ENPP3: variants seen among roughly 807,000 people sequenced by gnomAD.
ENPP3 encodes ectonucleotide pyrophosphatase/phosphodiesterase 3.
In ENPP3, 104 loss-of-function variants were observed where a neutral mutation model predicts 117.8. The observed-to-expected ratio is 0.88, with a 90% confidence interval of 0.75 to 1.04. ENPP3 has a LOEUF of 1.04. ENPP3 is among the 50% of genes least tolerant of loss of function. The pLI, the probability that ENPP3 is intolerant of heterozygous loss-of-function variation, is 0.00. For missense variants in ENPP3, 1,026 were observed against 1,051.9 expected (o/e 0.98, Z 0.34); for synonymous variants, 380 against 349.9 (o/e 1.09, Z -0.96).
chr6:131,665,471 A>T (rs562626899), intron 6 of ENPP3, among the ~76,000 whole-genome samples: 1 of 152,246 alleles, frequency 6.6e-6, no homozygotes, highest in South Asian at 2.1e-4. Flanking sequence ...CAGTCTTGGT[A>T]CATTGTATGT....
chr6:131,641,093 A>C (rs1778030322), intron 1 of ENPP3, among the ~76,000 whole-genome samples: 1 of 152,180 alleles, frequency 6.6e-6, no homozygotes, highest in African/African-American at 2.4e-5. Flanking sequence ...TCAATAAATG[A>C]TCACAAATGG....
At chr6:131,663,888 T>C (rs1385144906) in intron 6 of ENPP3, among the ~76,000 whole-genome samples, 1 of 152,136 alleles carries the variant, frequency 6.6e-6, no homozygotes, top group African/African-American at 2.4e-5. Context: ...CTGGTTTATG[T>C]ATTTACTATA....
intron 14 of ENPP3, among the ~76,000 whole-genome samples, chr6:131,692,651 A>G (rs573419704): frequency 5.2e-4 from 77 of 147,540 alleles, no homozygotes; most frequent in Admixed American, 8.2e-4. Context: ...AGGGTAATTC[A>G]TAGTGGTTTA....
intron 3 of ENPP3, among the ~76,000 whole-genome samples, chr6:131,651,449 A>G (rs945835760): frequency 6.6e-5 from 10 of 152,208 alleles, no homozygotes; most frequent in African/African-American, 2.4e-4. Flanking sequence ...ATATGTTTCA[A>G]TGGAGTTTTA....
chr6:131,683,476 A>G (rs936861521), intron 12 of ENPP3, among the ~76,000 whole-genome samples: 2 of 152,188 alleles, frequency 1.3e-5, no homozygotes, highest in Admixed American at 1.3e-4. Flanking sequence ...CTTTCCAGCC[A>G]TGATTCGTTT....
At chr6:131,637,698 A>G (rs1350600604) in intron 1 of ENPP3, among the ~76,000 whole-genome samples, 1 of 152,234 alleles carries the variant, frequency 6.6e-6, no homozygotes, top group Non-Finnish European at 1.5e-5. Context: ...GTTGGAATCC[A>G]TGACAGAACG....
intron 1 of ENPP3, among the ~76,000 whole-genome samples, chr6:131,639,981 T>A (rs1297716598): frequency 5.3e-5 from 8 of 151,914 alleles, no homozygotes; most frequent in African/African-American, 9.6e-5. Context: ...ATAATAATAA[T>A]AAATAAATAA....
rs1188919565 is a variant in ENPP3 at position 131,679,026 on chromosome 6, C to CTTCTTTCTTTCTTTCT, written c.1011+1133_1011+1148dup. 1.6e-3 allele frequency among the ~76,000 whole-genome samples: 75 copies of CTTCTTTCTTTCTTTCT among 47,862 alleles called. 1 individual carries two copies. Among genetic ancestry groups the CTTCTTTCTTTCTTTCT allele is most frequent in the East Asian group, 6.1e-3 (6 of 990 alleles). 31.4% of individuals were successfully genotyped at this position (47,862 alleles called of 152,430 possible). On this transcript the variant is annotated intron_variant, in intron 11 of 24. Coordinates refer to ENST00000357639, the MANE Select transcript of ENPP3 (RefSeq NM_005021.5). ...GCTTCCTTCCTTCCTTCCTTCCTTC[C>CTTCTTTCTTTCTTTCT]TTCTTTCTTTCTTTCTTTCTTTCTT...
At chr6:131,708,495 A>G (rs1779692453) in intron 15 of ENPP3, among the ~76,000 whole-genome samples, 1 of 152,262 alleles carries the variant, frequency 6.6e-6, no homozygotes, top group Non-Finnish European at 1.5e-5. Context: ...CTATTATTCC[A>G]TTAAACTTCA....
chr6:131,731,826 T>C (rs978473309), intron 20 of ENPP3, among the ~76,000 whole-genome samples: 1 of 152,226 alleles, frequency 6.6e-6, no homozygotes, highest in African/African-American at 2.4e-5. Context: ...TGTCATCTCT[T>C]GTGTGTTTTC....
chr6:131,643,206 T>C (rs1043302600), intron 2 of ENPP3, among the ~76,000 whole-genome samples: 7 of 152,224 alleles, frequency 4.6e-5, no homozygotes, highest in African/African-American at 1.7e-4. Flanking sequence ...TTCTGGGCCA[T>C]AGTGCCAGTC....
chr6:131,642,532 A>C (rs1363446496), intron 2 of ENPP3, among the ~76,000 whole-genome samples: 8 of 152,118 alleles, frequency 5.3e-5, no homozygotes, highest in African/African-American at 1.9e-4. Context: ...TACTAAGGTG[A>C]AGTATGAAGC....
At chr6:131,707,067 ATATT>A (rs369919408) in intron 15 of ENPP3, among the ~76,000 whole-genome samples, 18,380 of 131,452 alleles carry the variant, frequency 0.14, 87 homozygotes, top group African/African-American at 0.31. Flanking sequence ...CTAAGCATAA[ATATT>A]TATTTATTGG....
intron 2 of ENPP3, among the ~76,000 whole-genome samples, chr6:131,647,628 T>C (rs1585613578): frequency 1.3e-5 from 2 of 152,316 alleles, no homozygotes; most frequent in East Asian, 3.9e-4. Flanking sequence ...TATACCTTTC[T>C]CCATAACCTC....
At chr6:131,648,200 G>A (rs1171125534) in intron 2 of ENPP3, among the ~76,000 whole-genome samples, 1 of 150,630 alleles carries the variant, frequency 6.6e-6, no homozygotes, top group Non-Finnish European at 1.5e-5. Flanking sequence ...TGTTTTTTGG[G>A]GTCAAACTAT....
intron 6 of ENPP3, among the ~76,000 whole-genome samples, chr6:131,664,144 T>C (rs1350428754): frequency 6.6e-6 from 1 of 152,208 alleles, no homozygotes; most frequent in Non-Finnish European, 1.5e-5. Context: ...AAGAAGGTAC[T>C]GTTATCATAG....
chr6:131,653,664 G>A (rs1247861719), intron 5 of ENPP3, among the ~76,000 whole-genome samples: 1 of 151,924 alleles, frequency 6.6e-6, no homozygotes, highest in Admixed American at 6.6e-5. Flanking sequence ...CTCCCTCCTG[G>A]GCCTCCCAAA....
At chr6:131,722,725 C>G (rs536693299) in intron 18 of ENPP3, among the ~76,000 whole-genome samples, 1 of 152,282 alleles carries the variant, frequency 6.6e-6, no homozygotes, top group East Asian at 1.9e-4. Flanking sequence ...AACCATTCTT[C>G]CTGCGGTTTA....
In ENPP3 at chr6:131,677,935, G is replaced by A. The variant is rs1182485053; in HGVS notation, c.1006G>A (p.Ala336Thr). ...SSGHAGGPVS[A>T]RVIKALQVVD... ...TGGACATGCAGGTGGACCAGTCAGTGCCAGAGTAAGTTGTTGTTTTCTTAA... is the reference window on the plus strand; with the variant it reads ...TGGACATGCAGGTGGACCAGTCAGTACCAGAGTAAGTTGTTGTTTTCTTAA... Residue 336 changes from alanine to threonine, a missense_variant, in exon 11 of 25, where the codon GCC (alanine) becomes ACC (threonine). Coordinates refer to ENST00000357639, the MANE Select transcript of ENPP3 (RefSeq NM_005021.5). 3.1e-6 allele frequency: 5 copies of A among 1,598,928 alleles called. No individual in the cohort carries two copies. Among genetic ancestry groups the A allele is most frequent in the African/African-American group, 2.7e-5 (2 of 74,356 alleles).
Sources: allele counts gnomAD v4.1 joint callset (sites outside exome capture counted in the v4.1 genomes callset), GRCh38; gene constraint gnomAD v4.1.1; transcripts MANE v1.5; gene names NCBI Gene and HGNC (gene_info 2026-07-23, HGNC 2026-07-21).